Variants in LRRTM3 observed in about 807,000 individuals in gnomAD.
LRRTM3 encodes the protein leucine-rich repeat transmembrane neuronal protein 3.
A neutral mutation model predicts 44.7 loss-of-function variants in LRRTM3; 24 were observed. The ratio of observed to expected loss-of-function variants is 0.54; its 90% CI spans 0.39 to 0.76. LRRTM3 has a LOEUF of 0.76. LRRTM3 is among the 30% of genes least tolerant of loss of function. LRRTM3 has a pLI of 0.00. For synonymous variants in LRRTM3, 277 were observed against 278.7 expected, an observed-to-expected ratio of 0.99 and a Z score of 0.06; for missense variants, 587 against 702.2, an observed-to-expected ratio of 0.84 and a Z score of 1.85.
At chr10:67,032,859 T>C (rs561468833) in intron 2 of LRRTM3, among the ~76,000 whole-genome samples, 2 of 152,344 alleles carry the variant, frequency 1.3e-5, no homozygotes, top group African/African-American at 4.8e-5. Flanking sequence ...TACAAGCTTT[T>C]CAGCTGTATA....
intron 2 of LRRTM3, among the ~76,000 whole-genome samples, chr10:66,983,575 G>A (rs1850566873): frequency 6.6e-6 from 1 of 152,050 alleles, no homozygotes; most frequent in African/African-American, 2.4e-5. Context: ...AGTTTTTATT[G>A]AGCTATTTAT....
chr10:67,016,559 G>C (rs940012460), intron 2 of LRRTM3, among the ~76,000 whole-genome samples: 5 of 152,228 alleles, frequency 3.3e-5, no homozygotes, highest in African/African-American at 1.2e-4. Flanking sequence ...CCATTCTAGA[G>C]TCTCAGGCGG....
At chr10:66,986,716 A>G (rs1376538878) in intron 2 of LRRTM3, among the ~76,000 whole-genome samples, 1 of 152,134 alleles carries the variant, frequency 6.6e-6, no homozygotes, top group Non-Finnish European at 1.5e-5. Flanking sequence ...CAGGCTAATC[A>G]GGTTGATTTA....
chr10:67,036,884 G>GA (rs887552232), intron 2 of LRRTM3, among the ~76,000 whole-genome samples: 5 of 151,676 alleles, frequency 3.3e-5, no homozygotes, highest in South Asian at 2.1e-4. Context: ...TAAAAATTGT[G>GA]AAAAAAAATA....
At chr10:66,971,427 A>C (rs1222450266) in intron 2 of LRRTM3, among the ~76,000 whole-genome samples, 1 of 3,824 alleles carries the variant, frequency 2.6e-4, no homozygotes, top group African/African-American at 2.7e-4. Context: ...ACTCCGTCTC[A>C]AAAAAAAAAA....
At chr10:66,953,597 G>C (rs1212246076) in intron 2 of LRRTM3, among the ~76,000 whole-genome samples, 1 of 151,868 alleles carries the variant, frequency 6.6e-6, no homozygotes, top group Non-Finnish European at 1.5e-5. Context: ...TTCTAAGATA[G>C]CTATAAACTT....
intron 2 of LRRTM3, among the ~76,000 whole-genome samples, chr10:66,980,773 T>G (rs1425457850): frequency 1.3e-5 from 2 of 152,214 alleles, no homozygotes; most frequent in African/African-American, 4.8e-5. Flanking sequence ...GAGGACAACC[T>G]TCATGTACAA....
chr10:67,031,869 G>C (rs1392847670), intron 2 of LRRTM3, among the ~76,000 whole-genome samples: 2 of 152,072 alleles, frequency 1.3e-5, no homozygotes, highest in Non-Finnish European at 2.9e-5. Context: ...CTTTTATTGG[G>C]CCACAAAACA....
At chr10:67,022,873 G>T (rs540963320) in intron 2 of LRRTM3, among the ~76,000 whole-genome samples, 1 of 152,274 alleles carries the variant, frequency 6.6e-6, no homozygotes, top group South Asian at 2.1e-4. Context: ...GGGTGGCGGA[G>T]GTTGCAGTGA....
intron 2 of LRRTM3, among the ~76,000 whole-genome samples, chr10:67,056,921 G>T (rs1457548727): frequency 3.3e-5 from 5 of 152,102 alleles, no homozygotes; most frequent in African/African-American, 9.7e-5. Context: ...GAGTGAATCT[G>T]CTCATGCTCC....
intron 2 of LRRTM3, among the ~76,000 whole-genome samples, chr10:67,061,493 T>A (rs544133653): frequency 6.6e-6 from 1 of 152,216 alleles, no homozygotes; most frequent in Admixed American, 6.5e-5. Context: ...GCTCTTCTTA[T>A]CTCTGTTCTG....
At chr10:67,075,469 T>C (rs988867916) in intron 2 of LRRTM3, among the ~76,000 whole-genome samples, 2 of 152,142 alleles carry the variant, frequency 1.3e-5, no homozygotes, top group Non-Finnish European at 2.9e-5. Context: ...CCTGCCACTA[T>C]TAAGATGGAA....
At chr10:66,945,881 T>A (rs1589466550) in intron 2 of LRRTM3, among the ~76,000 whole-genome samples, 1 of 152,076 alleles carries the variant, frequency 6.6e-6, no homozygotes, top group African/African-American at 2.4e-5. Flanking sequence ...AGTGAAGCGG[T>A]CAGGACATAT....
chr10:66,966,945 G>GA (rs1485284248), intron 2 of LRRTM3, among the ~76,000 whole-genome samples: 13 of 151,970 alleles, frequency 8.6e-5, no homozygotes, highest in Admixed American at 8.5e-4. Context: ...AATTAGAAGA[G>GA]AAATTTTTTG....
chr10:67,008,983 T>C (rs1399178733), intron 2 of LRRTM3, among the ~76,000 whole-genome samples: 1 of 152,188 alleles, frequency 6.6e-6, no homozygotes, highest in Non-Finnish European at 1.5e-5. Context: ...TGGTATATAC[T>C]TTCTTGTACT....
At chr10:66,977,662 G>A (rs571296659) in intron 2 of LRRTM3, among the ~76,000 whole-genome samples, 33 of 152,278 alleles carry the variant, frequency 2.2e-4, no homozygotes, top group African/African-American at 7.9e-4. Context: ...GGCCTTGTAT[G>A]TTTTAAAGGT....
chr10:67,079,089 G>A (rs1194068693), intron 2 of LRRTM3, among the ~76,000 whole-genome samples: 1 of 152,086 alleles, frequency 6.6e-6, no homozygotes, highest in African/African-American at 2.4e-5. Context: ...ATAATATCTG[G>A]GAGGACCAGG....
chr10:66,952,498 G>A (rs1293579154), intron 2 of LRRTM3, among the ~76,000 whole-genome samples: 1 of 152,040 alleles, frequency 6.6e-6, no homozygotes, highest in African/African-American at 2.4e-5. Context: ...GATGACATTA[G>A]GATATCATAC....
At chr10:66,928,516 T>A in intron 2 of LRRTM3, 64 bp downstream of exon 2, 1 of 1,449,854 alleles carries the variant, frequency 6.9e-7, no homozygotes, top group Non-Finnish European at 9.3e-7. Context: ...TTTATTGAAC[T>A]CTGGTGACTA....
Sources: allele counts gnomAD v4.1 joint callset (sites outside exome capture counted in the v4.1 genomes callset), GRCh38; gene constraint gnomAD v4.1.1; transcripts MANE v1.5; gene names NCBI Gene and HGNC (gene_info 2026-07-23, HGNC 2026-07-21).